The following UTRN variants were observed in gnomAD, a reference collection of about 807,000 sequenced individuals.
UTRN encodes dystrophin-related protein 1.
UTRN carries 283 observed loss-of-function variants against 463.9 expected under a neutral mutation model. The observed-to-expected ratio is 0.61, with a 90% CI of 0.55 to 0.67. The LOEUF is 0.67. Ranked by LOEUF, UTRN falls within the 30% of genes least tolerant of loss-of-function variation. UTRN has a pLI of 0.00. For synonymous variants in UTRN, 1,442 were observed against 1,431.5 expected (o/e 1.01, Z -0.17); for missense variants, 3,922 against 4,084.3 (o/e 0.96, Z 1.08).
chr6:144,674,567 C>CT lies in UTRN; in HGVS notation c.7480-3832dup, dbSNP rs112624772. Among the ~76,000 whole-genome samples the CT allele has an allele frequency of 8.8e-3, 1,335 of 151,574 alleles. 12 individuals carry two copies. The highest frequency in any genetic ancestry group is 0.03 in the African/African-American group (1,256 of 41,370). Reference sequence around the variant, plus strand: ...GTAACCTGTGTTGTTTTTTTAATTTCTTTTTTTGAGATGAGGTCTCCCTCT... The same window carrying CT: ...GTAACCTGTGTTGTTTTTTTAATTTCTTTTTTTTGAGATGAGGTCTCCCTCT... On this transcript the variant is annotated intron_variant, in intron 51 of 74. Coordinates refer to ENST00000367545, the MANE Select transcript of UTRN (RefSeq NM_007124.3).
Position 144,836,676 on chromosome 6 carries a change from C to A in UTRN, c.10065+135C>A. The A allele has an allele frequency of 3.0e-6, 4 of 1,354,924 alleles. No homozygotes were observed. The South Asian group carries it at 4.5e-5, about 15-fold the overall frequency. 83.9% of individuals were successfully genotyped at this position (1,354,924 alleles called of 1,614,324 possible). A position where few individuals can be genotyped will look rare whatever the true frequency, so the allele number is the denominator to read the frequency against. ...TACCTCCGTAGTTAATTCAGACTGGCTTAGAAATTTCCTTTTACATGTAAG... is the reference window on the plus strand; with the variant it reads ...TACCTCCGTAGTTAATTCAGACTGGATTAGAAATTTCCTTTTACATGTAAG... On this transcript the variant is annotated intron_variant, in intron 71 of 74. Transcript: ENST00000367545.
chr6:144,630,467 G>A (rs1349234057), intron 51 of UTRN, among the ~76,000 whole-genome samples: 1 of 152,188 alleles, frequency 6.6e-6, no homozygotes, highest in African/African-American at 2.4e-5. Context: ...CGTCTTGCAT[G>A]GCGGTGGGCC....
In UTRN at chr6:144,493,399, A is replaced by G; in HGVS notation, c.4536A>G (p.Lys1512=). 1 of 1,614,084 alleles carries G rather than the reference A, an allele frequency of 6.2e-7. No homozygotes were observed. The highest frequency in any genetic ancestry group is 1.3e-5 in the African/African-American group (1 of 75,050). The change falls in exon 33 of 75, where the codon AAA becomes AAG. Residue 1512 remains lysine (K), a synonymous_variant. Coordinates refer to ENST00000367545, the MANE Select transcript of UTRN (RefSeq NM_007124.3). ...IVQKQQTDNP[K]GMDEQLTSLK... is the part of the protein sequence containing the mutation. ...AGAAACAGCAAACGGACAACCCAAA[A>G]GGGATGGATGAGCAGCTGACTTCCC...
chr6:144,447,462 C>T (rs1050390707), intron 15 of UTRN, 140 bp from the exon 16 acceptor site: 27 of 1,260,746 alleles, frequency 2.1e-5, no homozygotes, highest in South Asian at 4.3e-5. Context: ...TCTGGAACCA[C>T]GAGTCTTACC....
intron 41 of UTRN, among the ~76,000 whole-genome samples, chr6:144,528,113 T>C (rs568527269): frequency 9.2e-5 from 13 of 141,528 alleles, no homozygotes; most frequent in Non-Finnish European, 1.5e-4. Context: ...CTCAGCCCAC[T>C]GCAACCTCCG....
chr6:144,514,179 T>G, intron 36 of UTRN, 142 bp downstream of exon 36: 1 of 1,229,918 alleles, frequency 8.1e-7, no homozygotes, highest in Non-Finnish European at 1.1e-6. Context: ...TGGGAGAAAC[T>G]GAGACAATAA....
chr6:144,472,677 A>G (rs114574175), intron 23 of UTRN, among the ~76,000 whole-genome samples: 1 of 152,184 alleles, frequency 6.6e-6, no homozygotes, highest in Non-Finnish European at 1.5e-5. Context: ...GTAGAAGACC[A>G]GAGAAAAACA....
At chr6:144,523,272 T>G in intron 41 of UTRN, 84 bp downstream of exon 41, 1 of 1,090,498 alleles carries the variant, frequency 9.2e-7, no homozygotes, top group Non-Finnish European at 1.2e-6. Context: ...GACACTGAGA[T>G]TAATGAGAAC....
At chr6:144,299,206 C>CA (rs1413410498) in intron 2 of UTRN, among the ~76,000 whole-genome samples, 1 of 152,192 alleles carries the variant, frequency 6.6e-6, no homozygotes, top group African/African-American at 2.4e-5. Flanking sequence ...GGTCCAGACT[C>CA]AGATATGTGG....
intron 71 of UTRN, among the ~76,000 whole-genome samples, chr6:144,838,605 A>C (rs1409343290): frequency 2.0e-5 from 3 of 152,202 alleles, no homozygotes; most frequent in African/African-American, 7.2e-5. Flanking sequence ...AGAAATAGTC[A>C]TTCTTCACTC....
chr6:144,377,354 C>A (rs1178684130), intron 2 of UTRN, among the ~76,000 whole-genome samples: 2 of 152,178 alleles, frequency 1.3e-5, no homozygotes, highest in African/African-American at 2.4e-5. Context: ...AGTAACATTT[C>A]TTTCTGTGTG....
intron 2 of UTRN, among the ~76,000 whole-genome samples, chr6:144,297,156 T>C (rs1804800147): frequency 1.3e-5 from 2 of 151,130 alleles, no homozygotes; most frequent in African/African-American, 2.4e-5. Context: ...CCTGGTCCGA[T>C]GCCCAGATAG....
At chr6:144,709,787 T>C (rs549686315) in intron 53 of UTRN, among the ~76,000 whole-genome samples, 14 of 152,354 alleles carry the variant, frequency 9.2e-5, no homozygotes, top group Admixed American at 4.6e-4. Flanking sequence ...AATACCACTA[T>C]ATACAACCTT....
chr6:144,631,538 G>A (rs898938308), intron 51 of UTRN, among the ~76,000 whole-genome samples: 3 of 152,182 alleles, frequency 2.0e-5, no homozygotes, highest in Admixed American at 6.5e-5. Context: ...GGTTTTGTGA[G>A]GGAAAGGAGT....
In UTRN at chr6:144,429,752, C is replaced by A. The variant is rs767196907; in HGVS notation, c.855+11C>A. ...GCAATTAATATACAGGTACAGGTAA[C>A]ATTTTATTAAGATGTTTGGCTTGCC... On this transcript the variant is annotated intron_variant, in intron 9 of 74. Coordinates refer to ENST00000367545, the MANE Select transcript of UTRN (RefSeq NM_007124.3). The A allele has an allele frequency of 6.2e-7, 1 of 1,600,442 alleles. No homozygotes were observed. Among genetic ancestry groups the A allele is most frequent in the Non-Finnish European group, 8.5e-7 (1 of 1,176,044 alleles).
At chr6:144,368,745 G>A (rs781535596) in intron 2 of UTRN, among the ~76,000 whole-genome samples, 1 of 152,036 alleles carries the variant, frequency 6.6e-6, no homozygotes, top group Non-Finnish European at 1.5e-5. Context: ...TTGCACTCCA[G>A]CCTGGGCAAC....
chr6:144,290,948 G>T (rs608755), intron 1 of UTRN, among the ~76,000 whole-genome samples: 32,935 of 125,118 alleles, frequency 0.26, 4,066 homozygotes, highest in South Asian at 0.45. Flanking sequence ...TTTTTTTTTT[G>T]TATTTTTAGT....
At position 144,424,081 on chromosome 6, in the gene UTRN, G is replaced by A. The variant is rs1554249679; in HGVS notation, c.405+3G>A. The A allele has an allele frequency of 6.2e-7, 1 of 1,612,616 alleles. No individual in the cohort carries two copies. On this transcript the variant is annotated splice_donor_region_variant and intron_variant, in intron 6 of 74. Transcript: ENST00000367545. ...GGAGCATCATTTTGCACTGGCAGGT[G>A]GGGAAATTTCCAATCACTTTTTAAT... is the stretch of plus-strand genomic sequence containing the variant.
chr6:144,724,924 T>A (rs180834534), intron 53 of UTRN, among the ~76,000 whole-genome samples: 51 of 152,358 alleles, frequency 3.3e-4, no homozygotes, highest in Admixed American at 2.8e-3. Context: ...TATGTGGACA[T>A]GTTTTTCTTT....
Sources: allele counts gnomAD v4.1 joint callset (sites outside exome capture counted in the v4.1 genomes callset), GRCh38; gene constraint gnomAD v4.1.1; transcripts MANE v1.5; gene names NCBI Gene and HGNC (gene_info 2026-07-23, HGNC 2026-07-21).